Variants in RSRC1 observed in about 807,000 individuals in gnomAD.
RSRC1 encodes arginine and serine rich coiled-coil 1.
RSRC1 carries 39 observed loss-of-function variants against 49.1 expected under a neutral mutation model. The observed-to-expected ratio is 0.79, with a 90% CI of 0.61 to 1.04. RSRC1 has a LOEUF of 1.04. Ranked by LOEUF, RSRC1 falls within the 50% of genes least tolerant of loss-of-function variation. RSRC1 has a pLI of 0.00. For synonymous variants in RSRC1, 143 were observed against 130.8 expected (o/e 1.09, Z -0.63); for missense variants, 388 against 402.4 (o/e 0.96, Z 0.31).
chr3:158,143,932 A>G (rs892933181), intron 3 of RSRC1, among the ~76,000 whole-genome samples: 4 of 152,190 alleles, frequency 2.6e-5, no homozygotes, highest in African/African-American at 7.2e-5. Flanking sequence ...AGCTAAAAAT[A>G]TGACTGAATT....
intron 4 of RSRC1, among the ~76,000 whole-genome samples, chr3:158,285,068 G>A (rs1337091338): frequency 1.3e-5 from 2 of 152,074 alleles, no homozygotes; most frequent in East Asian, 1.9e-4. Context: ...ATTAATTTTC[G>A]TATAAGGTGT....
chr3:158,542,257 A>T (rs995826114), intron 8 of RSRC1, among the ~76,000 whole-genome samples: 4 of 152,146 alleles, frequency 2.6e-5, no homozygotes, highest in Admixed American at 6.5e-5. Context: ...GTGGCTGGGC[A>T]CGGTGGCTCA....
intron 7 of RSRC1, chr3:158,469,292 A>G: frequency 2.6e-6 from 1 of 388,986 alleles, no homozygotes; most frequent in South Asian, 2.0e-5. Context: ...ATAATTTTAT[A>G]ATAGTTATTT....
intron 5 of RSRC1, among the ~76,000 whole-genome samples, chr3:158,343,561 C>T (rs1028147209): frequency 6.6e-6 from 1 of 152,184 alleles, no homozygotes; most frequent in Non-Finnish European, 1.5e-5. Context: ...GTTATTATAA[C>T]TGTATTGCAC....
chr3:158,510,147 G>C (rs1237213236), intron 7 of RSRC1, among the ~76,000 whole-genome samples: 1 of 152,162 alleles, frequency 6.6e-6, no homozygotes, highest in African/African-American at 2.4e-5. Flanking sequence ...GCCATAGTGT[G>C]ATGACTATAA....
Position 158,366,340 on chromosome 3 carries a change from G to A in RSRC1, c.583+11432G>A, listed in dbSNP as rs1023657907. ...CTTTTTGCATAAGATGTAAGGAAGG[G>A]GTCCAGTTTCAGTTTTCTGCATATG... On this transcript the variant is annotated intron_variant, in intron 6 of 9. Transcript: ENST00000611884. Among the ~76,000 whole-genome samples the A allele has an allele frequency of 2.1e-4, 32 of 152,104 alleles. 1 individual carries two copies. The highest frequency in any genetic ancestry group is 6.3e-4 in the African/African-American group (26 of 41,426).
chr3:158,187,709 G>A (rs1720008266), intron 3 of RSRC1, among the ~76,000 whole-genome samples: 1 of 151,918 alleles, frequency 6.6e-6, no homozygotes, highest in African/African-American at 2.4e-5. Flanking sequence ...ACAGATGAGG[G>A]TCAGTAAATA....
rs73172141 is a variant in RSRC1 at position 158,482,991 on chromosome 3, A to G, written c.652+21988A>G. Reference sequence around the variant, plus strand: ...ATTTTCTTGTCATGAATACAAATGGAGGACAAATTAGAATCTACAGACAGC... The same window carrying G: ...ATTTTCTTGTCATGAATACAAATGGGGGACAAATTAGAATCTACAGACAGC... On this transcript the variant is annotated intron_variant, in intron 7 of 9. Transcript: ENST00000611884. Among the ~76,000 whole-genome samples, 306 of 152,114 alleles carry G rather than the reference A, an allele frequency of 2.0e-3. 1 individual carries two copies. The highest frequency in any genetic ancestry group is 3.1e-3 in the Non-Finnish European group (211 of 67,936).
chr3:158,207,004 A>G (rs1178731446), intron 4 of RSRC1, among the ~76,000 whole-genome samples: 1 of 152,214 alleles, frequency 6.6e-6, no homozygotes, highest in African/African-American at 2.4e-5. Context: ...ATCTCATTTA[A>G]TAACCTGATG....
chr3:158,279,085 C>T (rs1483416379), intron 4 of RSRC1, among the ~76,000 whole-genome samples: 1 of 152,142 alleles, frequency 6.6e-6, no homozygotes, highest in Non-Finnish European at 1.5e-5. Context: ...CTATTCTTTT[C>T]TCATTTTGAT....
intron 5 of RSRC1, among the ~76,000 whole-genome samples, chr3:158,338,210 C>CTT (rs11332968): frequency 8.0e-4 from 118 of 146,854 alleles, no homozygotes; most frequent in Middle Eastern, 7.2e-3. Flanking sequence ...TATAACTTTG[C>CTT]TTTTTTTTTT....
At chr3:158,196,432 C>A (rs1720621561) in intron 3 of RSRC1, among the ~76,000 whole-genome samples, 1 of 152,174 alleles carries the variant, frequency 6.6e-6, no homozygotes, top group South Asian at 2.1e-4. Flanking sequence ...GATATACAAT[C>A]ACGTCATCTG....
At chr3:158,302,282 C>T (rs888329223) in intron 5 of RSRC1, among the ~76,000 whole-genome samples, 1 of 151,896 alleles carries the variant, frequency 6.6e-6, no homozygotes, top group Non-Finnish European at 1.5e-5. Flanking sequence ...TTCTCTTGAC[C>T]CTCAGGTTCC....
At chr3:158,537,422 T>A (rs1712776136) in intron 8 of RSRC1, among the ~76,000 whole-genome samples, 2 of 151,680 alleles carry the variant, frequency 1.3e-5, no homozygotes, top group Non-Finnish European at 3.0e-5. Flanking sequence ...ATGTCATTTT[T>A]ATTTTTAAAT....
intron 7 of RSRC1, among the ~76,000 whole-genome samples, chr3:158,478,601 A>T (rs1224534939): frequency 1.3e-5 from 2 of 151,940 alleles, no homozygotes; most frequent in African/African-American, 4.8e-5. Flanking sequence ...GTTTATTTGT[A>T]ACACCAGCCT....
chr3:158,515,541 T>G (rs1740469179), intron 7 of RSRC1, among the ~76,000 whole-genome samples: 1 of 135,740 alleles, frequency 7.4e-6, no homozygotes, highest in Middle Eastern at 3.6e-3. Context: ...ATTTTTTCCT[T>G]CATTTCAACT....
rs907714401 is a variant in RSRC1, at chr3:158,267,029, A to G, written c.495-31010A>G. Among the ~76,000 whole-genome samples, 6 of 152,104 alleles carry G rather than the reference A, an allele frequency of 3.9e-5. No individual in the cohort carries two copies. In the South Asian group the frequency reaches 6.2e-4, roughly 16 times the overall value. ...TCCATCTGCCTTGGCCTCCCAAAGT[A>G]CTGGGATTACAGACATGAGACAGCA... is the stretch of plus-strand genomic sequence containing the variant. On this transcript the variant is annotated intron_variant, in intron 4 of 9. Coordinates refer to ENST00000611884, the MANE Select transcript of RSRC1 (RefSeq NM_001271838.2).
At chr3:158,330,002 C>G (rs576280669) in intron 5 of RSRC1, among the ~76,000 whole-genome samples, 1 of 152,292 alleles carries the variant, frequency 6.6e-6, no homozygotes, top group South Asian at 2.1e-4. Flanking sequence ...TAGCAATGAG[C>G]GAGGCTCCGT....
chr3:158,537,668 T>G (rs1712790237), intron 8 of RSRC1, among the ~76,000 whole-genome samples: 1 of 151,696 alleles, frequency 6.6e-6, no homozygotes, highest in African/African-American at 2.4e-5. Flanking sequence ...GAGCTTTGAT[T>G]GACATTTTAC....
Sources: allele counts gnomAD v4.1 joint callset (sites outside exome capture counted in the v4.1 genomes callset), GRCh38; gene constraint gnomAD v4.1.1; transcripts MANE v1.5; gene names NCBI Gene and HGNC (gene_info 2026-07-23, HGNC 2026-07-21).